DNAH10: variants seen among roughly 807,000 people sequenced by gnomAD.
The protein encoded by DNAH10 is axonemal beta dynein heavy chain 10.
In DNAH10, 348 loss-of-function variants were observed where a neutral mutation model predicts 506.6. The observed-to-expected ratio is 0.69, with a 90% CI of 0.63 to 0.75. The LOEUF is 0.75. DNAH10 is among the 30% of genes least tolerant of loss of function. The probability of loss-of-function intolerance (pLI) is 0.00; values close to 1 mark genes in which losing one functional copy is unlikely to be tolerated. For missense variants in DNAH10, 5,179 were observed against 5,787.1 expected (o/e 0.89, Z 3.41); for synonymous variants, 2,059 against 2,198.6 (o/e 0.94, Z 1.78).
intron 39 of DNAH10, among the ~76,000 whole-genome samples, chr12:123,863,847 T>C (rs112186473): frequency 8.1e-4 from 123 of 152,326 alleles, no homozygotes; most frequent in Non-Finnish European, 9.6e-4. Flanking sequence ...CCAAAATACT[T>C]TCTTTATTCT....
At position 123,903,497 on chromosome 12, in the gene DNAH10, A is replaced by C. The variant is rs1049634452; in HGVS notation, c.9815+384A>C. ...CCCTGCTGAAAACAGCTCTGCAGAG[A>C]TGTGTGCACACCACGGCCGGACTGG... On this transcript the variant is annotated intron_variant, in intron 57 of 78. Transcript: ENST00000673944. The surrounding 1 kb of genome is among the most constrained non-coding windows in gnomAD (Gnocchi z 4.6). Among the ~76,000 whole-genome samples, 6 of 152,304 alleles carry C rather than the reference A, an allele frequency of 3.9e-5. No individual in the cohort carries two copies. The South Asian group carries it at 1.0e-3, about 26-fold the overall frequency.
At chr12:123,910,029 G>A (rs1399946586) in intron 58 of DNAH10, among the ~76,000 whole-genome samples, 3 of 152,210 alleles carry the variant, frequency 2.0e-5, no homozygotes, top group African/African-American at 7.2e-5. Context: ...ACAAGTTAAC[G>A]CTGTGTTTGA....
intron 21 of DNAH10, chr12:123,814,187 A>G: frequency 3.9e-6 from 1 of 256,618 alleles, no homozygotes; most frequent in Non-Finnish European, 7.2e-6. Flanking sequence ...ATTTCCTTTA[A>G]TAGATAAAGA....
At chr12:123,797,222 G>A (rs1197363818) in intron 13 of DNAH10, among the ~76,000 whole-genome samples, 2 of 152,104 alleles carry the variant, frequency 1.3e-5, no homozygotes, top group East Asian at 3.9e-4. Context: ...ATCCCATCCA[G>A]GAGAAGCATT....
intron 52 of DNAH10, among the ~76,000 whole-genome samples, chr12:123,889,401 C>T (rs1012666356): frequency 7.9e-5 from 12 of 152,268 alleles, no homozygotes; most frequent in Admixed American, 1.3e-4. Flanking sequence ...GAGGGGGGAT[C>T]GGGTCATCCA....
intron 51 of DNAH10, among the ~76,000 whole-genome samples, chr12:123,884,672 G>A (rs542495881): frequency 5.3e-5 from 8 of 152,280 alleles, no homozygotes; most frequent in African/African-American, 1.9e-4. Flanking sequence ...ATCACATTGG[G>A]GGTTATGATT....
rs764845000 is a variant in DNAH10 at position 123,914,299 on chromosome 12, C to CTT, written c.10353-30_10353-29insTT. On this transcript the variant is annotated intron_variant, in intron 60 of 78. Coordinates refer to ENST00000673944, the MANE Select transcript of DNAH10 (RefSeq NM_001372106.1). ...TTTGGTTGTGGCCAGAAGGTAAACT[C>CTT]ACGGCAGCCTCCCTCTCCTCCCGTG... 2.0e-5 allele frequency: 30 copies of CTT among 1,532,764 alleles called. No individual in the cohort carries two copies. The Middle Eastern group carries it at 5.3e-4, about 27-fold the overall frequency. The allele number at this position is 1,532,764 out of a possible 1,614,324, so 94.9% of individuals were successfully genotyped here. A position where few individuals can be genotyped will look rare whatever the true frequency, so the allele number is the denominator to read the frequency against.
intron 43 of DNAH10, 141 bp from the exon 44 acceptor site, chr12:123,870,225 C>CTT: frequency 1.9e-6 from 2 of 1,080,066 alleles, no homozygotes; most frequent in Non-Finnish European, 2.6e-6. Flanking sequence ...CGGTATCTGT[C>CTT]CAGTGAAGGA....
chr12:123,907,875 C>T lies in DNAH10; in HGVS notation c.9816-1386C>T, dbSNP rs558292107. 1.1e-3 allele frequency among the ~76,000 whole-genome samples: 172 copies of T among 152,316 alleles called. 2 individuals are homozygous for T. Among genetic ancestry groups the T allele is most frequent in the African/African-American group, 4.1e-3 (169 of 41,568 alleles). On this transcript the variant is annotated intron_variant, in intron 57 of 78. Coordinates refer to ENST00000673944, the MANE Select transcript of DNAH10 (RefSeq NM_001372106.1). This position sits in a 1 kb window ranked among gnomAD's most constrained non-coding sequence, Gnocchi z 4.4. ...GAGCCTTTTCCCGGGGACTCAGGGC[C>T]TTTCTTTCATCACTGGGCTTTGTGC...
At position 123,885,346 on chromosome 12, in the gene DNAH10, C is replaced by T. The variant is rs1952683674; in HGVS notation, c.8824-1796C>T. Among the ~76,000 whole-genome samples the T allele has an allele frequency of 3.9e-5, 6 of 152,176 alleles. No homozygotes were observed. In the South Asian group the frequency reaches 1.0e-3, roughly 26 times the overall value. On this transcript the variant is annotated intron_variant, in intron 51 of 78. Coordinates refer to ENST00000673944, the MANE Select transcript of DNAH10 (RefSeq NM_001372106.1). The stretch of plus-strand genomic sequence containing the variant: ...GTCTTTGGAAGCGTTGGACAGTATT[C>T]TATTGTTTGGATATGCCACACATAA...
chr12:123,811,933 C>A (rs1034836354), intron 19 of DNAH10, among the ~76,000 whole-genome samples: 1 of 152,034 alleles, frequency 6.6e-6, no homozygotes, highest in Admixed American at 6.6e-5. Flanking sequence ...CAACGCGCCC[C>A]GCCTAGTGTT....
chr12:123,768,648 A>G (rs971029500), intron 2 of DNAH10, among the ~76,000 whole-genome samples: 1 of 152,226 alleles, frequency 6.6e-6, no homozygotes, highest in African/African-American at 2.4e-5. Flanking sequence ...AGCTCAGCAA[A>G]CACATGCTTT....
chr12:123,764,776 C>T (rs116882131), intron 1 of DNAH10, among the ~76,000 whole-genome samples: 1,673 of 152,254 alleles, frequency 0.011, 14 homozygotes, highest in Middle Eastern at 0.051. Flanking sequence ...CATTCCCGTC[C>T]CTTCTCCACT....
At position 123,794,009 on chromosome 12, in the gene DNAH10, C is replaced by T; in HGVS notation, c.1883C>T (p.Ala628Val). Residue 628 changes from alanine to valine, a missense_variant, in exon 12 of 79, where the codon GCA becomes GTA. By Grantham distance (64) the Ala-to-Val change is moderately conservative. Around this residue, in one of 3 missense-constraint regions of DNAH10, gnomAD observed 4,844 missense variants for 5,430.5 expected, o/e 0.89. Transcript: ENST00000673944. ...AAGACGCTTCGATCTGCTGAAGCAG[C>T]ATTTGACATGCTTTTAAAATTTAAG... ...SFKTLRSAEA[A>V]FDMLLKFKHI... The T allele has an allele frequency of 7.8e-7, 1 of 1,285,232 alleles. No homozygotes were observed. Among genetic ancestry groups the T allele is most frequent in the Non-Finnish European group, 1.0e-6 (1 of 986,508 alleles). 79.6% of individuals were successfully genotyped at this position (1,285,232 alleles called of 1,614,324 possible).
intron 1 of DNAH10, among the ~76,000 whole-genome samples, chr12:123,767,179 A>T (rs1957079892): frequency 3.3e-5 from 5 of 152,146 alleles, no homozygotes; most frequent in Admixed American, 3.3e-4. Flanking sequence ...AAGTGCTGGG[A>T]TTACAGGCAT....
intron 5 of DNAH10, among the ~76,000 whole-genome samples, chr12:123,775,029 G>A (rs1391775386): frequency 1.3e-5 from 2 of 152,256 alleles, no homozygotes; most frequent in African/African-American, 4.8e-5. Context: ...ACCCTGATAT[G>A]AGACAGAAAT....
intron 51 of DNAH10, 66 bp from the exon 52 acceptor site, chr12:123,887,076 C>T: frequency 6.6e-7 from 1 of 1,509,740 alleles, no homozygotes; most frequent in Admixed American, 2.2e-5. Context: ...GCGTCCCCAC[C>T]CCGGAGCCCG....
chr12:123,834,300 C>T (rs560636322), intron 27 of DNAH10, among the ~76,000 whole-genome samples: 32 of 152,060 alleles, frequency 2.1e-4, no homozygotes, highest in Non-Finnish European at 4.7e-4. Context: ...CTCTGCCAGC[C>T]GGATTCAAGT....
intron 10 of DNAH10, 79 bp downstream of exon 10, chr12:123,788,081 G>T (rs1199092993): frequency 6.6e-7 from 1 of 1,504,734 alleles, no homozygotes; most frequent in Non-Finnish European, 9.0e-7. Flanking sequence ...TCCGTGTCAG[G>T]TAGGAGCTGG....
Sources: allele counts gnomAD v4.1 joint callset (sites outside exome capture counted in the v4.1 genomes callset), GRCh38; gene constraint gnomAD v4.1.1; regional missense constraint gnomAD v4.1.1; non-coding constraint Gnocchi (gnomAD v3.1); transcripts MANE v1.5; gene names NCBI Gene and HGNC (gene_info 2026-07-23, HGNC 2026-07-21).